C4orf51: variants seen among roughly 807,000 people sequenced by gnomAD.
C4orf51 encodes the protein chromosome 4 open reading frame 51, also known as uncharacterized protein C4orf51.
In C4orf51, 25 loss-of-function variants were observed where a neutral mutation model predicts 25.2. The observed-to-expected ratio is 0.99, with a 90% CI of 0.72 to 1.39. The LOEUF is 1.39. Among genes scored for constraint, C4orf51 ranks in the 40% most tolerant of loss-of-function variants. C4orf51 has a pLI of 0.00. For missense variants in C4orf51, 252 were observed against 239.6 expected, an observed-to-expected ratio of 1.05 and a Z score of -0.34; for synonymous variants, 100 against 84.5, an observed-to-expected ratio of 1.18 and a Z score of -1.01.
At chr4:145,726,220 AGT>A (rs1578995919) in intron 2 of C4orf51, among the ~76,000 whole-genome samples, 1 of 152,336 alleles carries the variant, frequency 6.6e-6, no homozygotes, top group Admixed American at 6.5e-5. Context: ...TCTGGAGAAC[AGT>A]GTGGTATTTT....
intron 2 of C4orf51, among the ~76,000 whole-genome samples, chr4:145,722,568 C>A (rs905035305): frequency 2.0e-5 from 3 of 152,136 alleles, no homozygotes; most frequent in Non-Finnish European, 4.4e-5. Flanking sequence ...CTAATCTATC[C>A]CAATGGTTAA....
At chr4:145,783,188 T>C in the C4orf51 span, among the ~76,000 whole-genome samples, 1 of 152,216 alleles carries the variant, frequency 6.6e-6, no homozygotes, top group Admixed American at 6.5e-5. Context: ...CATTATTTAT[T>C]TGTGTATCCT....
intron 2 of C4orf51, among the ~76,000 whole-genome samples, chr4:145,723,382 G>A (rs1024836062): frequency 3.3e-5 from 5 of 151,898 alleles, no homozygotes; most frequent in Admixed American, 1.3e-4. Context: ...TCTAATGACA[G>A]GCAGGTGGGA....
intron 3 of C4orf51, 32 bp from the exon 4 acceptor site, chr4:145,729,137 T>C: frequency 1.4e-6 from 2 of 1,380,424 alleles, no homozygotes; most frequent in Non-Finnish European, 2.0e-6. Context: ...ATGAAAGTGG[T>C]TGGTATTTAT....
the C4orf51 span, among the ~76,000 whole-genome samples, chr4:145,779,150 T>G: frequency 6.6e-6 from 1 of 152,238 alleles, no homozygotes; most frequent in Admixed American, 6.5e-5. Flanking sequence ...CTAAATTGTG[T>G]ATATTTTCTC....
chr4:145,787,478 A>G, the C4orf51 span, among the ~76,000 whole-genome samples: 2 of 151,930 alleles, frequency 1.3e-5, no homozygotes, highest in Non-Finnish European at 2.9e-5. Context: ...AAAAAAAAAA[A>G]AAAAAAGAAA....
At position 145,750,712 on chromosome 4, in the gene C4orf51, C is replaced by T. The variant is rs116484666; in HGVS notation, n.168-3495C>T. 3.0e-3 allele frequency among the ~76,000 whole-genome samples: 453 copies of T among 152,164 alleles called. 2 individuals carry two copies. Among genetic ancestry groups the T allele is most frequent in the African/African-American group, 0.01 (423 of 41,530 alleles). ...GGTTTGGGAAGTTCTGTGTTATTTTCCCTTTGAATAAACTTTCTACCCCTA... is the reference window on the plus strand; with the variant it reads ...GGTTTGGGAAGTTCTGTGTTATTTTTCCTTTGAATAAACTTTCTACCCCTA... On this transcript the variant is annotated intron_variant and non_coding_transcript_variant, in intron 1 of 1. Coordinates refer to the C4orf51 transcript ENST00000508981.
chr4:145,713,299 A>G (rs1053052663), intron 2 of C4orf51, among the ~76,000 whole-genome samples: 3 of 152,224 alleles, frequency 2.0e-5, no homozygotes, highest in Non-Finnish European at 1.5e-5. Flanking sequence ...AATGAATCTG[A>G]GCAAAGTAAG....
At chr4:145,775,301 T>C (rs1232014095), downstream of C4orf51, among the ~76,000 whole-genome samples, 1 of 152,204 alleles carries the variant, frequency 6.6e-6, no homozygotes, top group Non-Finnish European at 1.5e-5. Context: ...CAAACCAATA[T>C]TGATTCATGA....
chr4:145,702,310 C>T (rs1244835901), intron 2 of C4orf51, among the ~76,000 whole-genome samples: 1 of 151,816 alleles, frequency 6.6e-6, no homozygotes, highest in Non-Finnish European at 1.5e-5. Context: ...ATACCTCCCT[C>T]TACTACCCAT....
Position 145,702,582 on chromosome 4 carries a change from A to G in C4orf51, c.307+5950A>G, listed in dbSNP as rs970697987. On this transcript the variant is annotated intron_variant, in intron 2 of 5. Transcript: ENST00000438731. ...GCTCTTGTTTACACTGCCGGTTTAC[A>G]CTGTTTCTCCAAGCCATCACAGCTG... Among the ~76,000 whole-genome samples the G allele has an allele frequency of 1.4e-4, 22 of 152,164 alleles. 1 individual carries two copies. Among genetic ancestry groups the G allele is most frequent in the Non-Finnish European group, 1.6e-4 (11 of 68,038 alleles).
intron 5 of C4orf51, among the ~76,000 whole-genome samples, chr4:145,730,984 A>G (rs1214786239): frequency 2.0e-5 from 3 of 152,190 alleles, no homozygotes; most frequent in African/African-American, 7.2e-5. Context: ...GAGCATTTCA[A>G]ACAGGGAAAG....
At chr4:145,682,225 A>G (rs554547653) in intron 1 of C4orf51, among the ~76,000 whole-genome samples, 71 of 148,774 alleles carry the variant, frequency 4.8e-4, no homozygotes, top group African/African-American at 1.7e-3. Flanking sequence ...TCAGAAATGT[A>G]AATATATTCT....
chr4:145,702,796 G>A (rs1026326357), intron 2 of C4orf51, among the ~76,000 whole-genome samples: 4 of 151,804 alleles, frequency 2.6e-5, no homozygotes, highest in Middle Eastern at 3.4e-3. Context: ...TTCATCCAAA[G>A]CCGTATCCAG....
the C4orf51 span, among the ~76,000 whole-genome samples, chr4:145,781,195 CAAAAAAAAAAAAAA>C: frequency 3.5e-5 from 2 of 56,546 alleles, no homozygotes; most frequent in Non-Finnish European, 5.6e-5. Flanking sequence ...GACACCATCT[CAAAAAAAAAAAAAA>C]AAAAAAAAGA....
intron 1 of C4orf51, among the ~76,000 whole-genome samples, chr4:145,740,023 A>G (rs950684897): frequency 2.0e-5 from 3 of 152,256 alleles, no homozygotes; most frequent in Admixed American, 6.5e-5. Context: ...GAAGATGCAA[A>G]CAAACGTTAA....
Position 145,762,045 on chromosome 4 carries a change from G to A in C4orf51, n.167-8943G>A, listed in dbSNP as rs554409994. 1.3e-5 allele frequency among the ~76,000 whole-genome samples: 2 copies of A among 152,182 alleles called. No homozygotes were observed. Among genetic ancestry groups the A allele is most frequent in the African/African-American group, 4.8e-5 (2 of 41,526 alleles). ...ATCGACTTTTCATGCACCACACCAAGCACACGCAGAAAGGCTAAGAGGTTT... is the reference window on the plus strand; with the variant it reads ...ATCGACTTTTCATGCACCACACCAAACACACGCAGAAAGGCTAAGAGGTTT... On this transcript the variant is annotated intron_variant and non_coding_transcript_variant, in intron 1 of 1. Coordinates refer to the C4orf51 transcript ENST00000510096. The surrounding 1 kb of genome is among the most constrained non-coding windows in gnomAD (Gnocchi z 4.9).
chr4:145,768,433 G>A (rs1465385738), intron 1 of C4orf51, among the ~76,000 whole-genome samples: 1 of 152,026 alleles, frequency 6.6e-6, no homozygotes, highest in Non-Finnish European at 1.5e-5. Flanking sequence ...CCAAAGTACT[G>A]GGATTACAAG....
At chr4:145,720,283 G>A (rs1731657875) in intron 2 of C4orf51, among the ~76,000 whole-genome samples, 1 of 152,096 alleles carries the variant, frequency 6.6e-6, no homozygotes, top group Admixed American at 6.5e-5. Context: ...TCACACCCAG[G>A]CCAGCTTTTC....
Sources: allele counts gnomAD v4.1 joint callset (sites outside exome capture counted in the v4.1 genomes callset), GRCh38; gene constraint gnomAD v4.1.1; non-coding constraint Gnocchi (gnomAD v3.1); transcripts MANE v1.5; gene names NCBI Gene and HGNC (gene_info 2026-07-23, HGNC 2026-07-21).